SNAPC2: variants seen among roughly 807,000 people sequenced by gnomAD.
SNAPC2 encodes the protein small nuclear RNA activating complex polypeptide 2, also known as snRNA-activating protein complex subunit 2.
In SNAPC2, 27 loss-of-function variants were observed where a neutral mutation model predicts 22.9. The ratio of observed to expected loss-of-function variants is 1.18; its 90% CI spans 0.87 to 1.63. The LOEUF (loss-of-function observed/expected upper bound fraction) is 1.63, where lower values mean the gene tolerates loss of function less well. Ranked by LOEUF, SNAPC2 falls within the 40% of genes most tolerant of loss-of-function variation. The pLI is 0.00. For missense variants in SNAPC2, 570 were observed against 449.1 expected, an observed-to-expected ratio of 1.27 and a Z score of -2.43; for synonymous variants, 272 against 201.0, an observed-to-expected ratio of 1.35 and a Z score of -2.99.
rs1983643925 is a variant in SNAPC2, at chr19:7,922,971, G to T, written c.*207G>T. 2 of 522,332 alleles carry T rather than the reference G, an allele frequency of 3.8e-6. No homozygotes were observed. The highest frequency in any genetic ancestry group is 3.6e-5 in the Admixed American group (1 of 27,706). The allele number at this position is 522,332 out of a possible 1,614,324, so 32.4% of individuals were successfully genotyped here. A position where few individuals can be genotyped will look rare whatever the true frequency, so the allele number is the denominator to read the frequency against. ...GTACAGGGGTTGGGTGGGGGTTGCA[G>T]GACTCCACTCACAAGCCTCCTGATG... On this transcript the variant is annotated 3_prime_UTR_variant, in exon 5 of 5. Transcript: ENST00000221573.
Position 7,923,072 on chromosome 19 carries a change from T to G in SNAPC2, c.*308T>G. 8.6e-6 allele frequency: 3 copies of G among 350,336 alleles called. No individual in the cohort carries two copies. The highest frequency in any genetic ancestry group is 2.1e-5 in the African/African-American group (1 of 47,350). The allele number at this position is 350,336 out of a possible 1,614,324, so 21.7% of individuals were successfully genotyped here. A position where few individuals can be genotyped will look rare whatever the true frequency, so the allele number is the denominator to read the frequency against. ...TGCCTTGTTGTCTGCTGGGGGGCCA[T>G]AGCTGGCACTGCCCACCGTAAAGGC... On this transcript the variant is annotated 3_prime_UTR_variant, in exon 5 of 5. Transcript: ENST00000221573.
Position 7,920,364 on chromosome 19 carries a change from G to T in SNAPC2, c.-3G>T, listed in dbSNP as rs752808972. On this transcript the variant is annotated 5_prime_UTR_variant, in exon 1 of 5. Coordinates refer to ENST00000221573, the MANE Select transcript of SNAPC2 (RefSeq NM_003083.4). Reference sequence around the variant, plus strand: ...TTACAGCGCCTGCCTCTTTCTGAGCGGCATGAAGCCACCTCCCAGGCGGCG... The same window carrying T: ...TTACAGCGCCTGCCTCTTTCTGAGCTGCATGAAGCCACCTCCCAGGCGGCG... 1.3e-6 allele frequency: 2 copies of T among 1,569,654 alleles called. No homozygotes were observed. The highest frequency in any genetic ancestry group is 1.8e-5 in the Admixed American group (1 of 56,818).
chr19:7,921,390 G>T (rs769363160), intron 1 of SNAPC2, 33 bp from the exon 2 acceptor site: 1 of 1,613,638 alleles, frequency 6.2e-7, no homozygotes, highest in Non-Finnish European at 8.5e-7. Flanking sequence ...TGAGCTCATA[G>T]AAGCCTCATT....
chr19:7,923,022 C>T lies in SNAPC2; in HGVS notation c.*258C>T. On this transcript the variant is annotated 3_prime_UTR_variant, in exon 5 of 5. Transcript: ENST00000221573. ...TCAAGGACAGGCGGACAGGGCTGGC[C>T]TCCCCCAGTCCCCAAGCCCCACTGT... The T allele has an allele frequency of 2.2e-6, 1 of 454,032 alleles. No homozygotes were observed. Among genetic ancestry groups the T allele is most frequent in the Non-Finnish European group, 3.9e-6 (1 of 256,172 alleles). The allele number at this position is 454,032 out of a possible 1,614,324, so 28.1% of individuals were successfully genotyped here.
intron 1 of SNAPC2, chr19:7,920,958 G>T: frequency 9.0e-7 from 1 of 1,111,688 alleles, no homozygotes; most frequent in South Asian, 2.6e-5. Flanking sequence ...TAAGGCGTGG[G>T]AGGGGCGTGG....
At position 7,921,131 on chromosome 19, in the gene SNAPC2, TAGAGA is replaced by T. The variant is rs1202268173; in HGVS notation, c.184-287_184-283del. The T allele has an allele frequency of 5.0e-4, 663 of 1,334,502 alleles. 1 individual carries two copies. Among genetic ancestry groups the T allele is most frequent in the Non-Finnish European group, 4.1e-4 (427 of 1,040,404 alleles). The allele number at this position is 1,334,502 out of a possible 1,614,324, so 82.7% of individuals were successfully genotyped here. On this transcript the variant is annotated intron_variant, in intron 1 of 4. Transcript: ENST00000221573. ...GATACGAGCTTGAAGTGAGAGGGAA[TAGAGA>T]AGAGGGGACGAAGAAGGGAGTTGAA...
chr19:7,921,868 C>T (rs1568289055), intron 3 of SNAPC2, 95 bp downstream of exon 3: 12 of 1,425,074 alleles, frequency 8.4e-6, no homozygotes. Flanking sequence ...CTTTTGCCAG[C>T]TCTGTGGACT....
Position 7,921,740 on chromosome 19 carries a change from A to G in SNAPC2, c.339A>G (p.Pro113=). ...WTDLAEKITG[P]LEEALAVAFS... is the part of the protein sequence containing the mutation. ...ATCTGGCTGAGAAGATAACAGGGCC[A>G]CTGGAAGAAGCCCTGGCAGTGGCTT... is the stretch of plus-strand genomic sequence containing the variant. Residue 113 remains proline (P), a synonymous_variant, in exon 3 of 5, where the codon CCA becomes CCG. Coordinates refer to ENST00000221573, the MANE Select transcript of SNAPC2 (RefSeq NM_003083.4). 6.2e-7 allele frequency: 1 copy of G among 1,613,736 alleles called. No homozygotes were observed. The highest frequency in any genetic ancestry group is 1.7e-5 in the Admixed American group (1 of 59,974).
At position 7,922,132 on chromosome 19, in the gene SNAPC2, C is replaced by G. The variant is rs1272779649; in HGVS notation, c.470C>G (p.Pro157Arg). Residue 157 changes from proline (P) to arginine (R), a missense_variant, in exon 4 of 5, where the codon CCT (proline) becomes CGT (arginine). Coordinates refer to ENST00000221573, the MANE Select transcript of SNAPC2 (RefSeq NM_003083.4). ...GGAAAGCCTTTGCTCCTGAGCGCCC[C>G]TGGAGGACAGGAAGACCCCGCCCCT... is the stretch of plus-strand genomic sequence containing the variant. ...ARGKPLLLSA[P>R]GGQEDPAPEI... 6.2e-7 allele frequency: 1 copy of G among 1,614,070 alleles called. No homozygotes were observed. Among genetic ancestry groups the G allele is most frequent in the Non-Finnish European group, 8.5e-7 (1 of 1,179,990 alleles).
chr19:7,922,390 G>T (rs369227389), intron 4 of SNAPC2, 43 bp downstream of exon 4: 1 of 1,593,548 alleles, frequency 6.3e-7, no homozygotes, highest in East Asian at 2.2e-5. Context: ...GGGATCAAGG[G>T]TCCCTGGCAG....
Position 7,922,185 on chromosome 19 carries a change from C to T in SNAPC2, c.523C>T (p.Pro175Ser), listed in dbSNP as rs761572960. The T allele has an allele frequency of 1.9e-6, 3 of 1,614,122 alleles. No homozygotes were observed. Among genetic ancestry groups the T allele is most frequent in the Non-Finnish European group, 2.5e-6 (3 of 1,180,028 alleles). Residue 175 changes from proline (P) to serine (S), a missense_variant, in exon 4 of 5, where the codon CCT becomes TCT. Transcript: ENST00000221573. ...AATACCTAGCTCTGCCCCTGCTGCA[C>T]CTAGCTCCGCACCCAGGACTCCTGA... The part of the protein sequence containing the change: ...PEIPSSAPAA[P>S]SSAPRTPDPA...
intron 1 of SNAPC2, chr19:7,920,937 C>T: frequency 3.1e-6 from 3 of 957,194 alleles, no homozygotes; most frequent in Non-Finnish European, 3.7e-6. Context: ...AGGGCGGGGC[C>T]GTTTTGGGAG....
intron 1 of SNAPC2, chr19:7,920,901 C>A: frequency 1.2e-6 from 1 of 825,180 alleles, no homozygotes; most frequent in Middle Eastern, 6.1e-4. Flanking sequence ...GGGGGCGGGG[C>A]GTGGGCGGGT....
chr19:7,920,645 G>A (rs1983532173), intron 1 of SNAPC2, 96 bp downstream of exon 1: 5 of 679,798 alleles, frequency 7.4e-6, no homozygotes, highest in Non-Finnish European at 1.1e-5. Flanking sequence ...GCGGGGCGGG[G>A]CCAGGAATGT....
At chr19:7,921,919 T>A in intron 3 of SNAPC2, 116 bp from the exon 4 acceptor site, 1 of 1,384,858 alleles carries the variant, frequency 7.2e-7, no homozygotes, top group Non-Finnish European at 1.0e-6. Context: ...TGTCCCTGGC[T>A]CTGAGGCCAT....
intron 1 of SNAPC2, chr19:7,920,973 G>C: frequency 9.0e-7 from 1 of 1,111,074 alleles, no homozygotes; most frequent in Non-Finnish European, 1.1e-6. Flanking sequence ...GCGTGGGCGG[G>C]ATGAGGGCAA....
At position 7,921,460 on chromosome 19, in the gene SNAPC2, C is replaced by G; in HGVS notation, c.221C>G (p.Ala74Gly). Reference protein sequence around the residue: ...VFLQQLKGRVAREAIQKVHPG... With the variant: ...VFLQQLKGRVGREAIQKVHPG... ...CTCCAGCAGCTCAAGGGCCGCGTAG[C>G]CCGGGAGGCCATTCAGAAAGTGCAT... Residue 74 changes from alanine to glycine, a missense_variant, in exon 2 of 5, where the codon GCC (alanine) becomes GGC (glycine). By Grantham distance (60) the Ala-to-Gly change is moderately conservative. Transcript: ENST00000221573. The G allele has an allele frequency of 6.2e-7, 1 of 1,613,862 alleles. No homozygotes were observed. The highest frequency in any genetic ancestry group is 8.5e-7 in the Non-Finnish European group (1 of 1,179,844).
chr19:7,920,633 CAGCGGGGCGGGGCCAGGAATGTAAGCG>C (rs1189041470), intron 1 of SNAPC2, 84 bp downstream of exon 1: 1 of 710,896 alleles, frequency 1.4e-6, no homozygotes, highest in Non-Finnish European at 2.0e-6. Flanking sequence ...CGGCAGGAGC[CAGCGGGGCGGGGCCAGGAATGTAAGCG>C]AGCGGGGGCG....
chr19:7,920,526 C>A lies in SNAPC2; in HGVS notation c.160C>A (p.Leu54Met). The A allele has an allele frequency of 1.4e-6, 2 of 1,437,482 alleles. No individual in the cohort carries two copies. Among genetic ancestry groups the A allele is most frequent in the Non-Finnish European group, 9.1e-7 (1 of 1,103,230 alleles). 89.0% of individuals were successfully genotyped at this position (1,437,482 alleles called of 1,614,324 possible). Residue 54 changes from leucine (L) to methionine (M), a missense_variant, in exon 1 of 5, where the codon CTG becomes ATG. By Grantham distance (15) the Leu-to-Met change is conservative. Coordinates refer to ENST00000221573, the MANE Select transcript of SNAPC2 (RefSeq NM_003083.4). ...GGACGCCACCGAGCTGGCCCGGGAG[C>A]TGCGGGGCCGGAGCGAGGCTGAGGT... is the stretch of plus-strand genomic sequence containing the variant. ...EPDATELARE[L>M]RGRSEAEIRV...
Sources: allele counts gnomAD v4.1 joint callset, GRCh38; gene constraint gnomAD v4.1.1; transcripts MANE v1.5; gene names NCBI Gene and HGNC (gene_info 2026-07-23, HGNC 2026-07-21).